Variants in AKAP13 observed in about 807,000 individuals in gnomAD.
The protein encoded by AKAP13 is A-kinase anchor protein 13.
Under a neutral mutation model 264.5 loss-of-function variants are expected in AKAP13, and 80 were observed. The ratio of observed to expected loss-of-function variants is 0.30; its 90% CI spans 0.25 to 0.36. The LOEUF (loss-of-function observed/expected upper bound fraction) is 0.36, where lower values mean the gene tolerates loss of function less well. Among genes scored for constraint, AKAP13 ranks in the 10% least tolerant of loss-of-function variants. AKAP13 has a pLI of 1.00. For missense variants in AKAP13, 3,712 were observed against 3,435.2 expected, an observed-to-expected ratio of 1.08 and a Z score of -2.01; for synonymous variants, 1,380 against 1,250.2, an observed-to-expected ratio of 1.10 and a Z score of -2.19.
chr15:85,562,691 C>CTTTTTTTTTTTTTTTTTTTTTT lies in AKAP13; in HGVS notation c.663-12419_663-12418insTTTTTTTTTTTTTTTTTTTTTT, dbSNP rs10598092. On this transcript the variant is annotated intron_variant, in intron 5 of 36. Coordinates refer to ENST00000394518, the MANE Select transcript of AKAP13 (RefSeq NM_007200.5). ...CCTTTTCTTTCTTTTCTTTTCTTTT[C>CTTTTTTTTTTTTTTTTTTTTTT]TTTTTTTTTTTTTTTTTTTTTGAGA... 2.4e-4 allele frequency among the ~76,000 whole-genome samples: 24 copies of CTTTTTTTTTTTTTTTTTTTTTT among 100,516 alleles called. 1 individual carries two copies. Among genetic ancestry groups the CTTTTTTTTTTTTTTTTTTTTTT allele is most frequent in the Non-Finnish European group, 3.3e-4 (18 of 53,752 alleles). The allele number at this position is 100,516 out of a possible 152,430, so 65.9% of individuals were successfully genotyped here. A position where few individuals can be genotyped will look rare whatever the true frequency, so the allele number is the denominator to read the frequency against.
intron 6 of AKAP13, among the ~76,000 whole-genome samples, chr15:85,576,133 A>G (rs924324057): frequency 6.6e-6 from 1 of 152,166 alleles, no homozygotes; most frequent in South Asian, 2.1e-4. Context: ...TGGTTTTGGG[A>G]ATAATGGAAG....
At chr15:85,653,580 T>G (rs571403736) in intron 10 of AKAP13, among the ~76,000 whole-genome samples, 3 of 152,336 alleles carry the variant, frequency 2.0e-5, no homozygotes, top group African/African-American at 7.2e-5. Context: ...ATCAAACCTT[T>G]AAAAAGAGTC....
chr15:85,543,453 T>C (rs1052291884), intron 4 of AKAP13, among the ~76,000 whole-genome samples: 2 of 152,246 alleles, frequency 1.3e-5, no homozygotes, highest in African/African-American at 4.8e-5. Flanking sequence ...CGCCTTTATA[T>C]GCCTGCCTGT....
In AKAP13 at chr15:85,727,568, G is replaced by A; in HGVS notation, c.7087+105G>A. On this transcript the variant is annotated intron_variant, in intron 29 of 36. Transcript: ENST00000394518. This position sits in a 1 kb window ranked among gnomAD's most constrained non-coding sequence, Gnocchi z 5.3. ...CGGGTTTGCCCTCAGTTCTAAAGCTGCCCCAGCAGGCACTTGAAAGCAGCA... is the reference window on the plus strand; with the variant it reads ...CGGGTTTGCCCTCAGTTCTAAAGCTACCCCAGCAGGCACTTGAAAGCAGCA... 8.1e-7 allele frequency: 1 copy of A among 1,235,562 alleles called. No homozygotes were observed. The highest frequency in any genetic ancestry group is 2.5e-5 in the East Asian group (1 of 40,000). The allele number at this position is 1,235,562 out of a possible 1,614,324, so 76.5% of individuals were successfully genotyped here.
chr15:85,525,543 G>A (rs2077005822), intron 3 of AKAP13, among the ~76,000 whole-genome samples: 1 of 152,164 alleles, frequency 6.6e-6, no homozygotes, highest in Non-Finnish European at 1.5e-5. Context: ...ACCTATGAAA[G>A]TGGCTAGTTC....
chr15:85,478,721 A>G (rs971836566), intron 1 of AKAP13, among the ~76,000 whole-genome samples: 1 of 150,298 alleles, frequency 6.7e-6, no homozygotes, highest in Non-Finnish European at 1.5e-5. Flanking sequence ...CCCTCGCCTT[A>G]CCCATTTGGG....
At chr15:85,655,275 A>T in intron 10 of AKAP13, 142 bp from the exon 11 acceptor site, 1 of 953,540 alleles carries the variant, frequency 1.0e-6, no homozygotes, top group East Asian at 2.6e-5. Context: ...TGATCATCCT[A>T]TTAAAAAAAC....
chr15:85,411,259 A>C (rs1193286197), intron 1 of AKAP13, among the ~76,000 whole-genome samples: 1 of 152,216 alleles, frequency 6.6e-6, no homozygotes, highest in African/African-American at 2.4e-5. Context: ...AAATAATGCC[A>C]GTTCCACTTA....
intron 2 of AKAP13, among the ~76,000 whole-genome samples, chr15:85,512,641 A>T (rs1457209147): frequency 6.6e-6 from 1 of 152,016 alleles, no homozygotes; most frequent in Non-Finnish European, 1.5e-5. Context: ...TTTAAAAAAT[A>T]CTCTCGGCTA....
At chr15:85,565,861 A>G (rs2078587893) in intron 5 of AKAP13, among the ~76,000 whole-genome samples, 1 of 152,190 alleles carries the variant, frequency 6.6e-6, no homozygotes, top group Non-Finnish European at 1.5e-5. Context: ...ACATGCAGCT[A>G]CTTAGAAGTT....
chr15:85,393,324 A>G (rs1048686268), intron 1 of AKAP13, among the ~76,000 whole-genome samples: 1 of 152,216 alleles, frequency 6.6e-6, no homozygotes, highest in Non-Finnish European at 1.5e-5. Flanking sequence ...TACGGTAACA[A>G]GAGTTGGGAA....
chr15:85,632,948 C>T (rs2081909363), intron 8 of AKAP13, among the ~76,000 whole-genome samples: 1 of 152,078 alleles, frequency 6.6e-6, no homozygotes. Flanking sequence ...TCACTGCAAC[C>T]TCTGACTCCA....
chr15:85,463,737 G>A (rs865972484), intron 1 of AKAP13, among the ~76,000 whole-genome samples: 12 of 152,206 alleles, frequency 7.9e-5, no homozygotes, highest in Middle Eastern at 6.8e-3. Flanking sequence ...CAAAGGCAGT[G>A]AGTTCTATTG....
intron 8 of AKAP13, among the ~76,000 whole-genome samples, chr15:85,632,279 C>T (rs367655109): frequency 6.6e-6 from 1 of 152,060 alleles, no homozygotes; most frequent in Non-Finnish European, 1.5e-5. Context: ...GCAGGCAACA[C>T]GAAGGGGTCC....
intron 1 of AKAP13, among the ~76,000 whole-genome samples, chr15:85,428,280 A>G (rs987134553): frequency 6.6e-6 from 1 of 152,030 alleles, no homozygotes; most frequent in Admixed American, 6.5e-5. Flanking sequence ...GCTCACCGCA[A>G]CCTCCGCCTC....
chr15:85,598,810 A>T (rs1159395905), intron 8 of AKAP13, among the ~76,000 whole-genome samples: 1 of 152,234 alleles, frequency 6.6e-6, no homozygotes, highest in Admixed American at 6.5e-5. Flanking sequence ...GTTCCCTTCT[A>T]GTAGCATTGT....
At chr15:85,744,247 A>C (rs765769650) in intron 36 of AKAP13, 9 of 301,458 alleles carry the variant, frequency 3.0e-5, no homozygotes, top group Non-Finnish European at 5.6e-5. Context: ...GAGGCTAACT[A>C]ATGTGCCAGC....
At chr15:85,633,371 G>C (rs1354094789) in intron 8 of AKAP13, among the ~76,000 whole-genome samples, 2 of 151,290 alleles carry the variant, frequency 1.3e-5, no homozygotes, top group African/African-American at 2.4e-5. Flanking sequence ...ATAGGGGCGG[G>C]GGGGGAGTAA....
intron 1 of AKAP13, among the ~76,000 whole-genome samples, chr15:85,479,738 ATGT>A (rs2075293043): frequency 6.6e-6 from 1 of 152,080 alleles, no homozygotes; most frequent in Non-Finnish European, 1.5e-5. Flanking sequence ...TTGTTATATG[ATGT>A]TGGGCCTGTG....
Sources: allele counts gnomAD v4.1 joint callset (sites outside exome capture counted in the v4.1 genomes callset), GRCh38; gene constraint gnomAD v4.1.1; non-coding constraint Gnocchi (gnomAD v3.1); transcripts MANE v1.5; gene names NCBI Gene and HGNC (gene_info 2026-07-23, HGNC 2026-07-21).